DLG4: variants seen among roughly 807,000 people sequenced by gnomAD.
The protein encoded by DLG4 is discs large MAGUK scaffold protein 4, also known as disks large homolog 4.
In DLG4, 7 loss-of-function variants were observed where a neutral mutation model predicts 93.8. That is an observed-to-expected ratio of 0.07 (90% CI 0.04 to 0.14). The LOEUF (loss-of-function observed/expected upper bound fraction) is 0.14. Ranked by LOEUF, DLG4 falls within the 10% of genes least tolerant of loss-of-function variation. DLG4 has a pLI of 1.00. For missense variants in DLG4, 545 were observed against 992.9 expected, an observed-to-expected ratio of 0.55 and a Z score of 6.06; for synonymous variants, 341 against 387.6, an observed-to-expected ratio of 0.88 and a Z score of 1.41.
Position 7,191,881 on chromosome 17 carries a change from G to A in DLG4, c.1976+12C>T. On this transcript the variant is annotated intron_variant, in intron 18 of 19. Coordinates refer to ENST00000399506, the MANE Select transcript of DLG4 (RefSeq NM_001321075.3). This position sits in a 1 kb window ranked among gnomAD's most constrained non-coding sequence, Gnocchi z 6.6. ...GGGGGAGCAAAGGGGAGGCCCCCAG[G>A]ACCATACTCACAGCACATTCTCCAG... The A allele has an allele frequency of 6.9e-7, 1 of 1,458,916 alleles. No individual in the cohort carries two copies. The highest frequency in any genetic ancestry group is 9.1e-7 in the Non-Finnish European group (1 of 1,101,814). The allele number at this position is 1,458,916 out of a possible 1,614,324, so 90.4% of individuals were successfully genotyped here.
rs1294630896 is a variant in DLG4 at position 7,190,508 on chromosome 17, G to A, written c.*200C>T. 3.1e-5 allele frequency: 18 copies of A among 573,866 alleles called. No homozygotes were observed. Among genetic ancestry groups the A allele is most frequent in the Admixed American group, 9.0e-5 (3 of 33,394 alleles). The allele number at this position is 573,866 out of a possible 1,614,324, so 35.5% of individuals were successfully genotyped here. On this transcript the variant is annotated 3_prime_UTR_variant, in exon 20 of 20. Transcript: ENST00000399506. ...CCCCCCCAGACCCCAGGTTCCTGGC[G>A]TTCAGGAGCCCAGTTCTGGGGTGCG...
intron 1 of DLG4, among the ~76,000 whole-genome samples, chr17:7,213,187 T>C (rs1480902813): frequency 1.4e-5 from 2 of 142,524 alleles, no homozygotes; most frequent in African/African-American, 2.6e-5. Flanking sequence ...AACATCCGGC[T>C]CCCGGGTTCG....
At chr17:7,218,890 T>C (rs887195676), upstream of DLG4, 3 of 1,610,420 alleles carry the variant, frequency 1.9e-6, no homozygotes, top group African/African-American at 2.7e-5. Flanking sequence ...TCCTCCAGGA[T>C]TGGAGTTGAG....
chr17:7,211,838 T>A (rs372351676), intron 1 of DLG4: 1 of 16,930 alleles, frequency 5.9e-5, no homozygotes, highest in Non-Finnish European at 9.7e-5. Flanking sequence ...GGGGGGGGGG[T>A]GACGGCGCCT....
intron 1 of DLG4, chr17:7,213,858 C>G (rs1453690528): frequency 1.5e-5 from 7 of 470,956 alleles, no homozygotes; most frequent in Non-Finnish European, 2.6e-5. Flanking sequence ...AAGATGACCC[C>G]CAATGTCCTA....
At chr17:7,219,111 CAAA>C (rs1427674422), upstream of DLG4, 1 of 549,610 alleles carries the variant, frequency 1.8e-6, no homozygotes, top group African/African-American at 1.9e-5. Context: ...TCCAGCAGCT[CAAA>C]AAGAAGCTGA....
In DLG4 at chr17:7,187,318, G is replaced by GTGGGA. The variant is rs1378857214; in HGVS notation, c.*3389_*3390insTCCCA. ...ACTTTGGGAGGCCGAGGGGGGGGGG[G>GTGGGA]GTGGATCACCCGAGGTCAGGAGTTC... On this transcript the variant is annotated 3_prime_UTR_variant, in exon 20 of 20. Coordinates refer to ENST00000399506, the MANE Select transcript of DLG4 (RefSeq NM_001321075.3). Among the ~76,000 whole-genome samples, 1 of 68,554 alleles carries GTGGGA rather than the reference G, an allele frequency of 1.5e-5. No individual in the cohort carries two copies. Among genetic ancestry groups the GTGGGA allele is most frequent in the South Asian group, 5.3e-4 (1 of 1,890 alleles). 45.0% of individuals were successfully genotyped at this position (68,554 alleles called of 152,430 possible).
Position 7,196,666 on chromosome 17 carries a change from CG to C in DLG4, c.1083+90del. 6.3e-7 allele frequency: 1 copy of C among 1,583,910 alleles called. No homozygotes were observed. The highest frequency in any genetic ancestry group is 8.6e-7 in the Non-Finnish European group (1 of 1,163,302). Reference sequence around the variant, plus strand: ...CAGGGAGTGGTCCCGCAAGAGGACTCGGCTGCAGCCCATCCAGGCCCCTCCC... The same window carrying C: ...CAGGGAGTGGTCCCGCAAGAGGACTCGCTGCAGCCCATCCAGGCCCCTCCC... On this transcript the variant is annotated intron_variant, in intron 9 of 19. Coordinates refer to ENST00000399506, the MANE Select transcript of DLG4 (RefSeq NM_001321075.3). The surrounding 1 kb of genome is among the most constrained non-coding windows in gnomAD (Gnocchi z 8.3).
Position 7,193,456 on chromosome 17 carries a change from T to G in DLG4, c.1693+27A>C. ...CTGCCCCACCCCCACTTCCACCTTC[T>G]CCTCCATCCAAGGCCCCAGCACTCA... On this transcript the variant is annotated intron_variant, in intron 16 of 19. Transcript: ENST00000399506. The surrounding 1 kb of genome is among the most constrained non-coding windows in gnomAD (Gnocchi z 6.7). 6.6e-7 allele frequency: 1 copy of G among 1,507,612 alleles called. No homozygotes were observed. Among genetic ancestry groups the G allele is most frequent in the Non-Finnish European group, 8.8e-7 (1 of 1,130,642 alleles). 93.4% of individuals were successfully genotyped at this position (1,507,612 alleles called of 1,614,324 possible).
rs951264445 is a variant in DLG4, at chr17:7,193,763, G to T, written c.1544-49C>A. The T allele has an allele frequency of 6.2e-7, 1 of 1,609,718 alleles. No individual in the cohort carries two copies. The highest frequency in any genetic ancestry group is 1.3e-5 in the African/African-American group (1 of 74,808). ...AAGGGGCTCTGAAACAGGGGACCTG[G>T]AGCCCTGTCTCCCCCTTGAGGATAT... On this transcript the variant is annotated intron_variant, in intron 14 of 19. Coordinates refer to ENST00000399506, the MANE Select transcript of DLG4 (RefSeq NM_001321075.3). The surrounding 1 kb of genome is among the most constrained non-coding windows in gnomAD (Gnocchi z 6.7).
In DLG4 at chr17:7,208,162, G is replaced by A. The variant is rs761006167; in HGVS notation, c.96+12C>T. 8.8e-5 allele frequency: 116 copies of A among 1,317,350 alleles called. No individual in the cohort carries two copies. The highest frequency in any genetic ancestry group is 9.0e-5 in the Non-Finnish European group (92 of 1,023,704). 81.6% of individuals were successfully genotyped at this position (1,317,350 alleles called of 1,614,324 possible). A position where few individuals can be genotyped will look rare whatever the true frequency, so the allele number is the denominator to read the frequency against. On this transcript the variant is annotated intron_variant, in intron 2 of 19. Transcript: ENST00000399506. This position sits in a 1 kb window ranked among gnomAD's most constrained non-coding sequence, Gnocchi z 5.4. The stretch of plus-strand genomic sequence containing the variant: ...TCCTCTCCGCCACGTGCACCAGCTC[G>A]GGGGCGTTTACCTGGTTGGGGAGGT...
chr17:7,199,641 A>G (rs942240710), intron 8 of DLG4, among the ~76,000 whole-genome samples: 4 of 152,066 alleles, frequency 2.6e-5, no homozygotes, highest in African/African-American at 9.7e-5. Context: ...CTTGCTCTCT[A>G]GTATGAAAGA....
chr17:7,189,129 G>A lies in DLG4; in HGVS notation c.*1579C>T, dbSNP rs1249672721. Among the ~76,000 whole-genome samples the A allele has an allele frequency of 1.4e-5, 2 of 146,938 alleles. No individual in the cohort carries two copies. Among genetic ancestry groups the A allele is most frequent in the African/African-American group, 5.1e-5 (2 of 39,176 alleles). On this transcript the variant is annotated 3_prime_UTR_variant, in exon 20 of 20. Transcript: ENST00000399506. ...TCTGTCTCAAAAAAAAAAAAAAAAG[G>A]GTGGGGGGGGCGCATAAAGAAACCT...
chr17:7,208,556 C>T lies in DLG4; in HGVS notation c.31-317G>A, dbSNP rs2070585405. ...CCCTCTGGCATCTGTGTCTTCACCC[C>T]TTTCCCCACCACCTTCATCTTCGAG... On this transcript the variant is annotated intron_variant, in intron 1 of 19. Transcript: ENST00000399506. This position sits in a 1 kb window ranked among gnomAD's most constrained non-coding sequence, Gnocchi z 5.4. 6.6e-6 allele frequency among the ~76,000 whole-genome samples: 1 copy of T among 152,132 alleles called. No individual in the cohort carries two copies.
chr17:7,213,046 T>G (rs2070768058), intron 1 of DLG4, among the ~76,000 whole-genome samples: 1 of 151,364 alleles, frequency 6.6e-6, no homozygotes, highest in Non-Finnish European at 1.5e-5. Flanking sequence ...AATTAATAAT[T>G]AATTAATTAA....
chr17:7,205,189 G>A (rs959799544), intron 2 of DLG4: 1 of 984,400 alleles, frequency 1.0e-6, no homozygotes, highest in Admixed American at 6.1e-5. Context: ...TCAGGAACTG[G>A]GAGTGGTGAA....
Position 7,203,352 on chromosome 17 carries a change from G to C in DLG4, c.506-23C>G, listed in dbSNP as rs529707000. 1 of 1,594,590 alleles carries C rather than the reference G, an allele frequency of 6.3e-7. No homozygotes were observed. Among genetic ancestry groups the C allele is most frequent in the East Asian group, 2.3e-5 (1 of 44,260 alleles). The stretch of plus-strand genomic sequence containing the variant: ...GACCTGGATGGAGGGGAGGCCAGAG[G>C]TGGGTGCCCAGGAAGCAGGCTTGGG... On this transcript the variant is annotated intron_variant, in intron 6 of 19. Coordinates refer to ENST00000399506, the MANE Select transcript of DLG4 (RefSeq NM_001321075.3). The surrounding 1 kb of genome is among the most constrained non-coding windows in gnomAD (Gnocchi z 7.2).
upstream of DLG4, chr17:7,220,040 G>A (rs144036152): frequency 1.2e-5 from 20 of 1,604,082 alleles, no homozygotes; most frequent in African/African-American, 6.7e-5. Context: ...AGGCTCGGGG[G>A]CGGAAGGTCT....
upstream of DLG4, chr17:7,219,816 G>A (rs2071093098): frequency 5.9e-6 from 9 of 1,530,862 alleles, no homozygotes; most frequent in East Asian, 1.2e-4. Context: ...CGGAACGCAG[G>A]GCCGGGCTCC....
Sources: allele counts gnomAD v4.1 joint callset (sites outside exome capture counted in the v4.1 genomes callset), GRCh38; gene constraint gnomAD v4.1.1; non-coding constraint Gnocchi (gnomAD v3.1); transcripts MANE v1.5; gene names NCBI Gene and HGNC (gene_info 2026-07-23, HGNC 2026-07-21).